The following BNC2 variants were observed in gnomAD, a reference collection of about 807,000 sequenced individuals.
The protein encoded by BNC2 is zinc finger protein basonuclin-2.
BNC2 carries 20 observed loss-of-function variants against 76.3 expected under a neutral mutation model. The ratio of observed to expected loss-of-function variants is 0.26; its 90% confidence interval spans 0.18 to 0.38. BNC2 has a LOEUF of 0.38. BNC2 is among the 10% of genes least tolerant of loss of function. The pLI, the probability that BNC2 is intolerant of heterozygous loss-of-function variation, is 1.00. For synonymous variants in BNC2, 582 were observed against 514.8 expected (o/e 1.13, Z -1.77); for missense variants, 1,382 against 1,399.8 (o/e 0.99, Z 0.20).
At chr9:16,648,198 T>C (rs1404655052) in intron 3 of BNC2, among the ~76,000 whole-genome samples, 2 of 152,214 alleles carry the variant, frequency 1.3e-5, no homozygotes, top group Non-Finnish European at 2.9e-5. Context: ...GAAGATTTCC[T>C]AGATGAGGCA....
At chr9:16,780,244 AAAAAAAAAAAAAC>A (rs1387867831) in intron 1 of BNC2, among the ~76,000 whole-genome samples, 4 of 112,130 alleles carry the variant, frequency 3.6e-5, no homozygotes, top group African/African-American at 1.1e-4. Flanking sequence ...TCAAAAAAAA[AAAAAAAAAAAAAC>A]AAAAAAAAAC....
intron 1 of BNC2, among the ~76,000 whole-genome samples, chr9:16,795,652 A>G (rs556320499): frequency 1.3e-5 from 2 of 152,278 alleles, no homozygotes; most frequent in East Asian, 3.9e-4. Flanking sequence ...AGAGGATATC[A>G]TGATTTTGGT....
rs201902368 is a variant in BNC2 at position 16,661,751 on chromosome 9, TTTC to T, written c.330+66043_330+66045del. On this transcript the variant is annotated intron_variant, in intron 3 of 6. Transcript: ENST00000380672. ...AACTTAAAAACATCAATAAAATTAA[TTTC>T]TTAAGATGTTTTTAATGTCCATGTA... is the stretch of plus-strand genomic sequence containing the variant. 5.4e-4 allele frequency among the ~76,000 whole-genome samples: 83 copies of T among 152,334 alleles called. 2 individuals are homozygous for T. The East Asian group carries it at 0.016, about 29-fold the overall frequency.
chr9:16,821,826 G>A (rs970003695), intron 1 of BNC2, among the ~76,000 whole-genome samples: 3 of 152,030 alleles, frequency 2.0e-5, no homozygotes, highest in Non-Finnish European at 2.9e-5. Context: ...GGGCACGGTG[G>A]GTAATGCCTG....
intron 3 of BNC2, among the ~76,000 whole-genome samples, chr9:16,665,451 AAAGAAAG>A (rs2134115445): frequency 9.1e-6 from 1 of 109,850 alleles, no homozygotes; most frequent in South Asian, 4.0e-4. Context: ...AGAAAGAAAG[AAAGAAAG>A]AAAGAAAGAA....
chr9:16,798,997 T>C lies in BNC2; in HGVS notation c.4-60512A>G, dbSNP rs574279520. Among the ~76,000 whole-genome samples the C allele has an allele frequency of 1.1e-4, 16 of 152,276 alleles. No homozygotes were observed. The East Asian group carries it at 1.2e-3, about 11-fold the overall frequency. On this transcript the variant is annotated intron_variant, in intron 1 of 6. Coordinates refer to ENST00000380672, the MANE Select transcript of BNC2 (RefSeq NM_017637.6). ...AAATGTCAGGGGGCTCTGAGAGTCA[T>C]ACAAACATCAACAAGCCTGTAGTTT...
chr9:16,816,992 C>G (rs915972033), intron 1 of BNC2, among the ~76,000 whole-genome samples: 5 of 152,128 alleles, frequency 3.3e-5, no homozygotes, highest in Admixed American at 1.3e-4. Flanking sequence ...CAGCAACTGA[C>G]AAAGAAAAAG....
At chr9:16,828,849 C>A (rs1818511915) in intron 1 of BNC2, among the ~76,000 whole-genome samples, 2 of 152,188 alleles carry the variant, frequency 1.3e-5, no homozygotes, top group South Asian at 4.1e-4. Context: ...TCTAGTGGCA[C>A]TGGAATAACC....
intron 3 of BNC2, among the ~76,000 whole-genome samples, chr9:16,642,687 A>G (rs564879741): frequency 1.6e-4 from 24 of 152,330 alleles, no homozygotes; most frequent in Admixed American, 8.5e-4. Flanking sequence ...AGGAAGAAAA[A>G]CAGTGAGTGC....
At chr9:16,465,322 G>C (rs1821681056) in intron 5 of BNC2, among the ~76,000 whole-genome samples, 1 of 151,210 alleles carries the variant, frequency 6.6e-6, no homozygotes, top group Non-Finnish European at 1.5e-5. Context: ...TGTAGTCCCA[G>C]CTACTATGGA....
intron 1 of BNC2, among the ~76,000 whole-genome samples, chr9:16,798,576 G>C (rs1470519380): frequency 1.3e-5 from 2 of 152,090 alleles, no homozygotes; most frequent in East Asian, 3.9e-4. Flanking sequence ...TTCAAGTATG[G>C]TAGTATCTTA....
At chr9:16,561,965 A>C (rs1407353930) in intron 4 of BNC2, among the ~76,000 whole-genome samples, 1 of 152,172 alleles carries the variant, frequency 6.6e-6, no homozygotes, top group African/African-American at 2.4e-5. Context: ...TGACTGAGCC[A>C]CTACACTCCA....
intron 3 of BNC2, among the ~76,000 whole-genome samples, chr9:16,707,118 T>C (rs897654151): frequency 1.4e-4 from 21 of 151,632 alleles, no homozygotes; most frequent in African/African-American, 4.4e-4. Flanking sequence ...AGGAGAATGG[T>C]GTGAATCCGG....
intron 4 of BNC2, 75 bp downstream of exon 4, chr9:16,582,908 C>CACAT (rs1479986599): frequency 5.0e-6 from 5 of 1,001,372 alleles, no homozygotes; most frequent in Non-Finnish European, 7.9e-6. Flanking sequence ...CACACACACA[C>CACAT]ACACACACAC....
intron 5 of BNC2, among the ~76,000 whole-genome samples, chr9:16,462,194 T>C (rs1316010109): frequency 6.6e-6 from 1 of 152,208 alleles, no homozygotes; most frequent in Non-Finnish European, 1.5e-5. Flanking sequence ...TTTACTTTTT[T>C]ATAACTCAAA....
intron 3 of BNC2, among the ~76,000 whole-genome samples, chr9:16,617,234 A>C (rs377322140): frequency 1.3e-5 from 2 of 152,184 alleles, no homozygotes; most frequent in South Asian, 4.1e-4. Flanking sequence ...AACAAACAAA[A>C]AAACCTACTT....
chr9:16,740,337 G>C (rs749060721), intron 1 of BNC2, among the ~76,000 whole-genome samples: 1 of 152,210 alleles, frequency 6.6e-6, no homozygotes, highest in Non-Finnish European at 1.5e-5. Flanking sequence ...CAGATAGGGA[G>C]ATTGACAGTG....
chr9:16,856,483 G>A (rs902538142), intron 1 of BNC2, among the ~76,000 whole-genome samples: 14 of 152,002 alleles, frequency 9.2e-5, no homozygotes, highest in Admixed American at 6.6e-4. Flanking sequence ...ATCTTGCCCA[G>A]GCTGGACTTG....
intron 3 of BNC2, among the ~76,000 whole-genome samples, chr9:16,674,760 G>C (rs925581869): frequency 6.6e-6 from 1 of 152,208 alleles, no homozygotes; most frequent in African/African-American, 2.4e-5. Flanking sequence ...ACTTAAAGAT[G>C]GTTTATATAA....
Sources: gnomAD v4.1 joint callset for allele counts (sites outside exome capture counted in the v4.1 genomes callset) on GRCh38, gnomAD v4.1.1 for gene constraint, MANE v1.5 for transcripts, NCBI Gene and HGNC (gene_info 2026-07-23, HGNC 2026-07-21) for gene names.